The following GRIN2A variants were observed in gnomAD, a reference collection of about 807,000 sequenced individuals.
GRIN2A encodes the protein glutamate receptor ionotropic, NMDA 2A.
Under a neutral mutation model 113.4 loss-of-function variants are expected in GRIN2A, and 22 were observed. The observed-to-expected ratio is 0.19, with a 90% CI of 0.14 to 0.28. The LOEUF (loss-of-function observed/expected upper bound fraction) is 0.28, where lower values mean the gene tolerates loss of function less well. GRIN2A is among the 10% of genes least tolerant of loss of function. The pLI is 1.00. For missense variants in GRIN2A, 1,502 were observed against 1,887.0 expected (o/e 0.80, Z 3.78); for synonymous variants, 827 against 738.4 (o/e 1.12, Z -1.94).
chr16:9,965,467 T>C (rs932785134), intron 2 of GRIN2A, among the ~76,000 whole-genome samples: 2 of 152,224 alleles, frequency 1.3e-5, no homozygotes, highest in African/African-American at 4.8e-5. Flanking sequence ...GGCTGAGCTA[T>C]AGAATAAGAG....
intron 2 of GRIN2A, among the ~76,000 whole-genome samples, chr16:10,152,395 G>C (rs1023343439): frequency 6.6e-6 from 1 of 152,080 alleles, no homozygotes; most frequent in Non-Finnish European, 1.5e-5. Context: ...GTTTATTTTT[G>C]CCAAAGTTAG....
intron 2 of GRIN2A, among the ~76,000 whole-genome samples, chr16:9,982,615 T>A (rs1246379724): frequency 6.6e-6 from 1 of 152,248 alleles, no homozygotes; most frequent in East Asian, 1.9e-4. Context: ...ATTAGTTATC[T>A]TTTAAAATAT....
chr16:9,963,953 C>G (rs2045497809), intron 2 of GRIN2A, among the ~76,000 whole-genome samples: 2 of 152,132 alleles, frequency 1.3e-5, no homozygotes. Flanking sequence ...AACTCACAGT[C>G]TAGTGGACAG....
intron 2 of GRIN2A, among the ~76,000 whole-genome samples, chr16:9,945,163 T>A (rs2044988107): frequency 6.6e-6 from 1 of 152,026 alleles, no homozygotes; most frequent in Non-Finnish European, 1.5e-5. Context: ...TCTCAAATTT[T>A]AAAAATTTGA....
intron 4 of GRIN2A, among the ~76,000 whole-genome samples, chr16:9,860,463 A>G (rs2043047613): frequency 6.6e-6 from 1 of 150,486 alleles, no homozygotes; most frequent in Non-Finnish European, 1.5e-5. Flanking sequence ...AAAAAAAAAA[A>G]AAAAAAAGAA....
intron 2 of GRIN2A, among the ~76,000 whole-genome samples, chr16:10,114,257 G>A (rs1281724579): frequency 6.6e-6 from 1 of 152,178 alleles, no homozygotes; most frequent in Admixed American, 6.5e-5. Flanking sequence ...CAGTGAGACT[G>A]TGCTCTGCAG....
At chr16:9,901,731 A>G (rs13330962) in intron 3 of GRIN2A, among the ~76,000 whole-genome samples, 4,487 of 152,272 alleles carry the variant, frequency 0.029, 224 homozygotes, top group African/African-American at 0.1. Flanking sequence ...GATTACAGGC[A>G]TGAGCCACCA....
intron 12 of GRIN2A, among the ~76,000 whole-genome samples, 197 bp downstream of exon 12, chr16:9,768,654 C>T (rs1384347415): frequency 6.6e-6 from 1 of 152,206 alleles, no homozygotes; most frequent in Non-Finnish European, 1.5e-5. Context: ...CACCCACTCC[C>T]GTTTCCTTTC....
chr16:10,049,382 TA>T (rs1164700027), intron 2 of GRIN2A, among the ~76,000 whole-genome samples: 1 of 149,550 alleles, frequency 6.7e-6, no homozygotes, highest in Non-Finnish European at 1.5e-5. Context: ...GATTTTTTAC[TA>T]TTTTTTTTTT....
intron 2 of GRIN2A, among the ~76,000 whole-genome samples, chr16:9,982,122 T>C (rs947990656): frequency 7.9e-5 from 12 of 152,168 alleles, no homozygotes; most frequent in African/African-American, 2.9e-4. Context: ...TTTTATTTCA[T>C]TGCATTTTTG....
chr16:10,115,128 A>G (rs8061598), intron 2 of GRIN2A, among the ~76,000 whole-genome samples: 141,951 of 152,296 alleles, frequency 0.93, 66,980 homozygotes, highest in East Asian at 1. Context: ...TTGCAATTGT[A>G]TATAAAGTAA....
At chr16:9,773,664 G>A (rs1901422495) in intron 11 of GRIN2A, among the ~76,000 whole-genome samples, 1 of 152,160 alleles carries the variant, frequency 6.6e-6, no homozygotes, top group African/African-American at 2.4e-5. Flanking sequence ...CTCCTTTTGT[G>A]TTTCCACCTC....
rs1491104392 is a variant in GRIN2A, at chr16:9,807,000, AAG to A, written c.2169-8538_2169-8537del. Among the ~76,000 whole-genome samples the A allele has an allele frequency of 4.6e-5, 7 of 151,224 alleles. 1 individual carries two copies. The highest frequency in any genetic ancestry group is 4.6e-4 in the Admixed American group (7 of 15,196). ...GTCTCATGAGATATGATTGTTTTAG[AAG>A]AGTTTTCCTCTTTTACTTGGTTCTC... On this transcript the variant is annotated intron_variant, in intron 10 of 12. Coordinates refer to ENST00000330684, the MANE Select transcript of GRIN2A (RefSeq NM_001134407.3).
chr16:9,787,731 T>C (rs1032976536), intron 11 of GRIN2A, among the ~76,000 whole-genome samples: 3 of 152,262 alleles, frequency 2.0e-5, no homozygotes, highest in Admixed American at 6.5e-5. Context: ...ATAACAATCA[T>C]GGTAGCTGTT....
intron 2 of GRIN2A, among the ~76,000 whole-genome samples, chr16:10,027,920 T>A (rs2141915667): frequency 6.6e-6 from 1 of 152,260 alleles, no homozygotes; most frequent in East Asian, 1.9e-4. Context: ...CCTCGAGCTG[T>A]CCCCACTGCC....
At chr16:10,145,607 C>T (rs2049423907) in intron 2 of GRIN2A, among the ~76,000 whole-genome samples, 1 of 151,978 alleles carries the variant, frequency 6.6e-6, no homozygotes, top group African/African-American at 2.4e-5. Flanking sequence ...TGCTAATCTC[C>T]ATAGCAATAA....
chr16:10,022,089 T>G (rs1315968541), intron 2 of GRIN2A, among the ~76,000 whole-genome samples: 2 of 151,048 alleles, frequency 1.3e-5, no homozygotes, highest in South Asian at 2.1e-4. Context: ...CTAGAATGTC[T>G]TTCCCTATCC....
intron 2 of GRIN2A, among the ~76,000 whole-genome samples, chr16:10,097,677 G>A (rs1415390367): frequency 6.6e-6 from 1 of 152,052 alleles, no homozygotes; most frequent in African/African-American, 2.4e-5. Flanking sequence ...TGATAAATGT[G>A]GGCAGATCCC....
At chr16:9,949,097 C>A (rs2045101752) in intron 2 of GRIN2A, among the ~76,000 whole-genome samples, 1 of 152,214 alleles carries the variant, frequency 6.6e-6, no homozygotes, top group Non-Finnish European at 1.5e-5. Flanking sequence ...TCCTCTCTCC[C>A]CTCCACCTCC....
Sources: allele counts gnomAD v4.1 joint callset (sites outside exome capture counted in the v4.1 genomes callset), GRCh38; gene constraint gnomAD v4.1.1; transcripts MANE v1.5; gene names NCBI Gene and HGNC (gene_info 2026-07-23, HGNC 2026-07-21).